The following MAT2B variants were observed in gnomAD, a reference collection of about 807,000 sequenced individuals.
The protein encoded by MAT2B is methionine adenosyltransferase 2 subunit beta.
A neutral mutation model predicts 36.1 loss-of-function variants in MAT2B; 16 were observed. The observed-to-expected ratio is 0.44, with a 90% CI of 0.30 to 0.67. MAT2B has a LOEUF of 0.67. MAT2B is among the 30% of genes least tolerant of loss of function. The pLI, the probability that MAT2B is intolerant of heterozygous loss-of-function variation, is 0.09. For missense variants in MAT2B, 332 were observed against 398.2 expected (o/e 0.83, Z 1.42); for synonymous variants, 148 against 136.9 (o/e 1.08, Z -0.57).
At chr5:163,503,421 G>A (rs1759879612), upstream of MAT2B, 3 of 1,613,906 alleles carry the variant, frequency 1.9e-6, no homozygotes, top group Middle Eastern at 1.6e-4. Context: ...AGGACATGGA[G>A]CAGGTAAGAA....
chr5:163,517,355 G>T (rs568448578), intron 5 of MAT2B: 2 of 318,718 alleles, frequency 6.3e-6, no homozygotes, highest in African/African-American at 2.1e-5. Flanking sequence ...AATTCTTAAG[G>T]TTTAAATTCT....
Position 163,505,703 on chromosome 5 carries a change from AAG to A in MAT2B, c.20_21del (p.Glu7AlafsTer18), listed in dbSNP as rs2113547839. ...ACGGCGGGCATGGTGGGGCGGGAGA[AAG>A]AGCTCTCTATACACTTTGTTCCCGG... is the stretch of plus-strand genomic sequence containing the variant. On this transcript the variant is annotated frameshift_variant, in exon 1 of 7. Coordinates refer to ENST00000321757, the MANE Select transcript of MAT2B (RefSeq NM_013283.5). LOFTEE classifies it high-confidence loss of function. The A allele has an allele frequency of 7.8e-7, 1 of 1,285,078 alleles. No individual in the cohort carries two copies. The highest frequency in any genetic ancestry group is 9.9e-7 in the Non-Finnish European group (1 of 1,008,574). The allele number at this position is 1,285,078 out of a possible 1,614,324, so 79.6% of individuals were successfully genotyped here.
chr5:163,513,659 A>T lies in MAT2B; in HGVS notation c.363A>T (p.Ala121=), dbSNP rs141130487. 8.7e-6 allele frequency: 14 copies of T among 1,611,786 alleles called. No individual in the cohort carries two copies. Among genetic ancestry groups the T allele is most frequent in the Non-Finnish European group, 1.1e-5 (13 of 1,178,382 alleles). Residue 121 remains alanine, a synonymous_variant, in exon 3 of 7, where the codon GCA becomes GCT. Transcript: ENST00000321757. ...QLNVDASGNL[A]KEAAAVGAFL... is the part of the protein sequence containing the mutation. Reference sequence around the variant, plus strand: ...ATGTGGATGCTTCTGGGAATTTAGCAAAGGAAGCAGGTAATGATGACTTTA... The same window carrying T: ...ATGTGGATGCTTCTGGGAATTTAGCTAAGGAAGCAGGTAATGATGACTTTA...
At position 163,517,700 on chromosome 5, in the gene MAT2B, T is replaced by C. The variant is rs372084612; in HGVS notation, c.834+26T>C. The C allele has an allele frequency of 1.2e-5, 17 of 1,384,068 alleles. No individual in the cohort carries two copies. In the Admixed American group the frequency reaches 2.9e-4, roughly 23 times the overall value. 85.7% of individuals were successfully genotyped at this position (1,384,068 alleles called of 1,614,324 possible). ...GTAAGTACATGGCTGTAAAAACCTT[T>C]AGATCCATTGCTATGGTATATATTA... On this transcript the variant is annotated intron_variant, in intron 6 of 6. Coordinates refer to ENST00000321757, the MANE Select transcript of MAT2B (RefSeq NM_013283.5).
chr5:163,516,819 CT>C, intron 5 of MAT2B, 108 bp downstream of exon 5: 1 of 1,202,468 alleles, frequency 8.3e-7, no homozygotes. Flanking sequence ...GCCAAAAGTG[CT>C]TTTTTAAAAC....
intron 1 of MAT2B, among the ~76,000 whole-genome samples, chr5:163,509,550 C>G (rs1760005805): frequency 6.6e-6 from 1 of 152,222 alleles, no homozygotes; most frequent in Admixed American, 6.5e-5. Flanking sequence ...CTGATCCACA[C>G]TGAAGCACGA....
intron 1 of MAT2B, 130 bp downstream of exon 1, chr5:163,505,879 C>T (rs1214030771): frequency 4.8e-6 from 3 of 622,966 alleles, no homozygotes; most frequent in South Asian, 8.4e-5. Context: ...GGTCTCACCG[C>T]CACCCTCCCA....
chr5:163,505,595 A>G (rs554250660), upstream of MAT2B: 50 of 1,247,552 alleles, frequency 4.0e-5, no homozygotes, highest in Middle Eastern at 2.5e-4. Flanking sequence ...GGCCTAGGGG[A>G]GGCGGGCCGA....
chr5:163,503,334 C>T (rs1239255089), upstream of MAT2B: 3 of 1,525,390 alleles, frequency 2.0e-6, no homozygotes, highest in African/African-American at 2.7e-5. Context: ...AAAGACCCAG[C>T]AAGAGAAGGC....
chr5:163,513,592 C>T lies in MAT2B; in HGVS notation c.296C>T (p.Pro99Leu). The T allele has an allele frequency of 6.2e-7, 1 of 1,613,388 alleles. No individual in the cohort carries two copies. The highest frequency in any genetic ancestry group is 1.1e-5 in the South Asian group (1 of 91,048). ...GTACATTGTGCAGCAGAGAGAAGAC[C>T]AGATGTTGTAGAAAATCAGCCAGAT... ...VIVHCAAERR[P>L]DVVENQPDAA... Residue 99 changes from proline to leucine, a missense_variant, in exon 3 of 7, where the codon CCA becomes CTA. Physicochemically the swap from Pro to Leu is moderately conservative, Grantham distance 98. Coordinates refer to ENST00000321757, the MANE Select transcript of MAT2B (RefSeq NM_013283.5).
chr5:163,506,476 A>G (rs1285167281), intron 1 of MAT2B, among the ~76,000 whole-genome samples: 1 of 152,046 alleles, frequency 6.6e-6, no homozygotes, highest in Non-Finnish European at 1.5e-5. Context: ...CATTCCACTT[A>G]AGGGCCTCCA....
chr5:163,519,253 T>A lies in MAT2B; in HGVS notation c.*890T>A, dbSNP rs1760182035. On this transcript the variant is annotated 3_prime_UTR_variant, in exon 7 of 7. Coordinates refer to ENST00000321757, the MANE Select transcript of MAT2B (RefSeq NM_013283.5). The stretch of plus-strand genomic sequence containing the variant: ...TTAATTTTTAAAAATTACATTCTTC[T>A]GATGTAACATGTGATACATACAAAA... 1 of 152,210 alleles carries A rather than the reference T, an allele frequency of 6.6e-6. No homozygotes were observed. The highest frequency in any genetic ancestry group is 1.5e-5 in the Non-Finnish European group (1 of 68,022). 9.4% of individuals were successfully genotyped at this position (152,210 alleles called of 1,614,324 possible).
intron 4 of MAT2B, among the ~76,000 whole-genome samples, chr5:163,515,830 A>T (rs1310214892): frequency 1.0e-5 from 1 of 96,964 alleles, no homozygotes; most frequent in African/African-American, 4.4e-5. Context: ...GCTGGAGTGC[A>T]GTAGGGTGAA....
chr5:163,505,684 G>C lies in MAT2B; in HGVS notation c.-3G>C. The C allele has an allele frequency of 1.6e-6, 2 of 1,283,522 alleles. No homozygotes were observed. The highest frequency in any genetic ancestry group is 2.0e-6 in the Non-Finnish European group (2 of 1,007,868). The allele number at this position is 1,283,522 out of a possible 1,614,324, so 79.5% of individuals were successfully genotyped here. A position where few individuals can be genotyped will look rare whatever the true frequency, so the allele number is the denominator to read the frequency against. On this transcript the variant is annotated 5_prime_UTR_variant, in exon 1 of 7. Transcript: ENST00000321757. The stretch of plus-strand genomic sequence containing the variant: ...CTGAGGCTGCGGCGTGAAGACGGCG[G>C]GCATGGTGGGGCGGGAGAAAGAGCT...
intron 4 of MAT2B, among the ~76,000 whole-genome samples, chr5:163,515,916 G>A (rs1363617937): frequency 6.7e-6 from 1 of 150,366 alleles, no homozygotes; most frequent in African/African-American, 2.4e-5. Context: ...TTTACATTTT[G>A]TAGAGACGAG....
chr5:163,515,770 C>CTTTTTTT lies in MAT2B; in HGVS notation c.527-728_527-722dup, dbSNP rs66978639. 2.2e-3 allele frequency among the ~76,000 whole-genome samples: 156 copies of CTTTTTTT among 69,794 alleles called. 11 individuals carry two copies. Among genetic ancestry groups the CTTTTTTT allele is most frequent in the Non-Finnish European group, 2.9e-3 (119 of 40,818 alleles). 45.8% of individuals were successfully genotyped at this position (69,794 alleles called of 152,430 possible). A position where few individuals can be genotyped will look rare whatever the true frequency, so the allele number is the denominator to read the frequency against. On this transcript the variant is annotated intron_variant, in intron 4 of 6. Coordinates refer to ENST00000321757, the MANE Select transcript of MAT2B (RefSeq NM_013283.5). ...TTAACAAATGTGGTTTTGCCTTTTT[C>CTTTTTTT]TTTTTTTTTTTTTTTTTTTTTTTTT...
chr5:163,512,294 GAAAGCTCT>G lies in MAT2B; in HGVS notation c.258+103_258+110del, dbSNP rs1415385543. ...TGCTCTCAAGGAAATTACTATGTTT[GAAAGCTCT>G]AAAGTTGTATTATGCAGTAGCATTT... is the stretch of plus-strand genomic sequence containing the variant. On this transcript the variant is annotated intron_variant, in intron 2 of 6. Coordinates refer to ENST00000321757, the MANE Select transcript of MAT2B (RefSeq NM_013283.5). 5 of 1,098,592 alleles carry G rather than the reference GAAAGCTCT, an allele frequency of 4.6e-6. No individual in the cohort carries two copies. The Admixed American group carries it at 6.9e-5, about 15-fold the overall frequency. 68.1% of individuals were successfully genotyped at this position (1,098,592 alleles called of 1,614,324 possible). A position where few individuals can be genotyped will look rare whatever the true frequency, so the allele number is the denominator to read the frequency against.
At chr5:163,515,505 G>A (rs1760116384) in intron 4 of MAT2B, among the ~76,000 whole-genome samples, 1 of 152,196 alleles carries the variant, frequency 6.6e-6, no homozygotes, top group South Asian at 2.1e-4. Context: ...CATAATTACA[G>A]TGCAGTTATC....
chr5:163,506,998 T>G (rs1218301085), intron 1 of MAT2B, among the ~76,000 whole-genome samples: 1 of 152,202 alleles, frequency 6.6e-6, no homozygotes, highest in East Asian at 1.9e-4. Flanking sequence ...TAATACTGTC[T>G]GTGGAGCACA....
Sources: gnomAD v4.1 joint callset for allele counts (sites outside exome capture counted in the v4.1 genomes callset) on GRCh38, gnomAD v4.1.1 for gene constraint, MANE v1.5 for transcripts, NCBI Gene and HGNC (gene_info 2026-07-23, HGNC 2026-07-21) for gene names.